PCDHA2: variants seen among roughly 807,000 people sequenced by gnomAD.
The protein encoded by PCDHA2 is protocadherin alpha 2, also known as protocadherin alpha-2.
A neutral mutation model predicts 66.0 loss-of-function variants in PCDHA2; 58 were observed. The ratio of observed to expected loss-of-function variants is 0.88; its 90% CI spans 0.71 to 1.09. PCDHA2 has a LOEUF of 1.09. Ranked by LOEUF, PCDHA2 falls within the 50% of genes least tolerant of loss-of-function variation. The pLI is 0.00. For missense variants in PCDHA2, 1,267 were observed against 1,242.3 expected, an observed-to-expected ratio of 1.02 and a Z score of -0.30; for synonymous variants, 634 against 554.0, an observed-to-expected ratio of 1.14 and a Z score of -2.03.
At chr5:140,829,107 G>C (rs1554131755) in intron 1 of PCDHA2, 2 of 1,612,092 alleles carry the variant, frequency 1.2e-6, no homozygotes, top group Admixed American at 3.3e-5. Context: ...GTTTTAGTGA[G>C]AATTTTGGAT....
chr5:140,966,149 G>C (rs1347243484), intron 1 of PCDHA2: 1 of 167,682 alleles, frequency 6.0e-6, no homozygotes, highest in Non-Finnish European at 1.3e-5. Flanking sequence ...TTCCTGAATT[G>C]CGCTTGGAGA....
chr5:140,928,068 C>T (rs1554205429), intron 1 of PCDHA2: 2 of 1,614,214 alleles, frequency 1.2e-6, no homozygotes, highest in Non-Finnish European at 1.7e-6. Context: ...CTTCCTTTGA[C>T]AACTACTACA....
intron 1 of PCDHA2, among the ~76,000 whole-genome samples, chr5:140,916,018 T>C (rs550604062): frequency 6.6e-6 from 1 of 152,254 alleles, no homozygotes; most frequent in East Asian, 1.9e-4. Flanking sequence ...ACAAAGTCTT[T>C]CCCATTCTTC....
intron 1 of PCDHA2, among the ~76,000 whole-genome samples, chr5:140,947,275 T>C (rs246050): frequency 1.3e-5 from 2 of 151,244 alleles, no homozygotes; most frequent in Non-Finnish European, 3.0e-5. Flanking sequence ...GAAAATACTT[T>C]TTCTTTTTAT....
At chr5:140,851,037 T>C (rs1393971342) in intron 1 of PCDHA2, 4 of 1,398,626 alleles carry the variant, frequency 2.9e-6, no homozygotes, top group Non-Finnish European at 3.8e-6. Flanking sequence ...CCCTTAACAT[T>C]GGAGCCGACT....
chr5:140,960,258 T>G (rs551623092), intron 1 of PCDHA2, among the ~76,000 whole-genome samples: 1 of 152,248 alleles, frequency 6.6e-6, no homozygotes, highest in Non-Finnish European at 1.5e-5. Context: ...CTGGAGCTTC[T>G]GATAAATTCC....
chr5:140,977,899 C>A (rs1193855952), intron 1 of PCDHA2, among the ~76,000 whole-genome samples: 1 of 152,124 alleles, frequency 6.6e-6, no homozygotes, highest in East Asian at 1.9e-4. Context: ...CAAAATACAA[C>A]TTTTATCCCC....
intron 1 of PCDHA2, chr5:140,835,406 G>T: frequency 6.2e-7 from 1 of 1,613,974 alleles, no homozygotes; most frequent in Non-Finnish European, 8.5e-7. Context: ...TGGAAGTTGT[G>T]GATGTAAATG....
chr5:141,010,129 G>A lies in PCDHA2; in HGVS notation c.*192G>A, dbSNP rs781919488. The A allele has an allele frequency of 3.7e-6, 6 of 1,601,792 alleles. No individual in the cohort carries two copies. The highest frequency in any genetic ancestry group is 5.1e-6 in the Non-Finnish European group (6 of 1,173,386). On this transcript the variant is annotated 3_prime_UTR_variant, in exon 4 of 4. Coordinates refer to ENST00000526136, the MANE Select transcript of PCDHA2 (RefSeq NM_018905.3). Reference sequence around the variant, plus strand: ...TGTCGTAAAAGCTTTACTAAGTCTGGTGTTAACTCTTTCTCTCCACTCTGG... The same window carrying A: ...TGTCGTAAAAGCTTTACTAAGTCTGATGTTAACTCTTTCTCTCCACTCTGG...
intron 1 of PCDHA2, chr5:140,884,365 CT>C (rs1264541175): frequency 6.2e-7 from 1 of 1,613,846 alleles, no homozygotes; most frequent in Non-Finnish European, 8.5e-7. Context: ...TCAATGTTTA[CT>C]TGATCATTGC....
intron 3 of PCDHA2, among the ~76,000 whole-genome samples, chr5:140,987,487 C>A (rs868928905): frequency 6.6e-6 from 1 of 152,154 alleles, no homozygotes; most frequent in Non-Finnish European, 1.5e-5. Flanking sequence ...GTCAGTGACC[C>A]TTTCTGAATT....
chr5:140,994,314 C>T (rs936811729), intron 3 of PCDHA2, among the ~76,000 whole-genome samples: 4 of 152,192 alleles, frequency 2.6e-5, no homozygotes, highest in African/African-American at 9.6e-5. Flanking sequence ...AGGGCCCAAA[C>T]ACTCTCAGCA....
chr5:140,850,523 A>G (rs2150487907), intron 1 of PCDHA2: 1 of 1,598,226 alleles, frequency 6.3e-7, no homozygotes, highest in Non-Finnish European at 8.6e-7. Flanking sequence ...GCCAGGCGCC[A>G]AAGTCATCGT....
chr5:140,833,179 G>A (rs928347111), intron 1 of PCDHA2, among the ~76,000 whole-genome samples: 1 of 152,198 alleles, frequency 6.6e-6, no homozygotes, highest in African/African-American at 2.4e-5. Context: ...GAAGATGACT[G>A]CAAGGATTAA....
At position 140,927,036 on chromosome 5, in the gene PCDHA2, C is replaced by A. The variant is rs137875923; in HGVS notation, c.2389-51913C>A. On this transcript the variant is annotated intron_variant, in intron 1 of 3. Transcript: ENST00000526136. ...CCGCGGACTTGAGGCTGCCAGCGGC[C>A]GCTATGTCCTCGCGGAACTTTCGCT... 9.3e-6 allele frequency: 15 copies of A among 1,612,314 alleles called. No homozygotes were observed. In the East Asian group the frequency reaches 3.3e-4, roughly 36 times the overall value.
At chr5:140,815,933 T>C (rs1581740535) in intron 1 of PCDHA2, 1 of 152,220 alleles carries the variant, frequency 6.6e-6, no homozygotes, top group African/African-American at 2.4e-5. Context: ...AGGTTTCTAC[T>C]GAGAAATCTA....
chr5:140,843,822 A>G (rs1455613336), intron 1 of PCDHA2: 2 of 1,214,208 alleles, frequency 1.6e-6, no homozygotes, highest in African/African-American at 1.5e-5. Flanking sequence ...GTGAAAATTT[A>G]AACATTGTTT....
intron 1 of PCDHA2, chr5:140,860,422 T>A (rs1554153353): frequency 1.3e-5 from 2 of 152,130 alleles, no homozygotes; most frequent in African/African-American, 4.8e-5. Context: ...ACCATTATCC[T>A]GCAAATATGA....
intron 1 of PCDHA2, among the ~76,000 whole-genome samples, chr5:140,839,453 A>G (rs113969469): frequency 3.3e-5 from 5 of 152,018 alleles, no homozygotes; most frequent in African/African-American, 1.2e-4. Context: ...GCAGTGGCAC[A>G]ATCTGGGCTT....
Sources: allele counts gnomAD v4.1 joint callset (sites outside exome capture counted in the v4.1 genomes callset), GRCh38; gene constraint gnomAD v4.1.1; transcripts MANE v1.5; gene names NCBI Gene and HGNC (gene_info 2026-07-23, HGNC 2026-07-21).